Variants in GLI3 observed in about 807,000 individuals in gnomAD.
GLI3 encodes the protein GLI family zinc finger 3, also known as transcription activator GLI3.
GLI3 carries 20 observed loss-of-function variants against 100.8 expected under a neutral mutation model. The ratio of observed to expected loss-of-function variants is 0.20; its 90% CI spans 0.14 to 0.29. The LOEUF is 0.29. Ranked by LOEUF, GLI3 falls within the 10% of genes least tolerant of loss-of-function variation. The pLI is 1.00. For synonymous variants in GLI3, 938 were observed against 860.5 expected, an observed-to-expected ratio of 1.09 and a Z score of -1.58; for missense variants, 2,040 against 2,128.5, an observed-to-expected ratio of 0.96 and a Z score of 0.82.
At chr7:42,072,864 T>G (rs1784810546) in intron 4 of GLI3, among the ~76,000 whole-genome samples, 1 of 152,326 alleles carries the variant, frequency 6.6e-6, no homozygotes, top group Admixed American at 6.5e-5. Flanking sequence ...TAAAACATTA[T>G]ACTTCTTGCA....
chr7:42,236,731 C>T (rs1055875285), intron 1 of GLI3, among the ~76,000 whole-genome samples: 30 of 152,354 alleles, frequency 2.0e-4, no homozygotes, highest in Middle Eastern at 6.8e-3. Flanking sequence ...ATTCTCCAAT[C>T]CGTCTCCGGC....
At chr7:42,069,604 G>A (rs1229690703) in intron 4 of GLI3, among the ~76,000 whole-genome samples, 1 of 152,158 alleles carries the variant, frequency 6.6e-6, no homozygotes, top group Admixed American at 6.5e-5. Context: ...CATAAAAGTA[G>A]AAAACATGAC....
chr7:42,036,052 T>C (rs151314679), intron 7 of GLI3, among the ~76,000 whole-genome samples: 153 of 152,356 alleles, frequency 1.0e-3, no homozygotes, highest in Non-Finnish European at 1.7e-3. Context: ...TCAAGTACTG[T>C]TATAATATGT....
At chr7:42,202,848 G>T (rs550240208) in intron 2 of GLI3, among the ~76,000 whole-genome samples, 1 of 152,202 alleles carries the variant, frequency 6.6e-6, no homozygotes, top group Non-Finnish European at 1.5e-5. Flanking sequence ...CCCCCAACAT[G>T]ACTGTAAGTC....
intron 4 of GLI3, among the ~76,000 whole-genome samples, chr7:42,069,044 C>A (rs1784733062): frequency 6.6e-6 from 1 of 152,208 alleles, no homozygotes; most frequent in Non-Finnish European, 1.5e-5. Context: ...CAGGCCCCCG[C>A]AACAGGTTTG....
rs1190912354 is a variant in GLI3 at position 41,961,661 on chromosome 7, T to C, written c.*2669A>G. On this transcript the variant is annotated 3_prime_UTR_variant, in exon 15 of 15. Transcript: ENST00000395925. ...TGGTGACACTAGTGAGGCGGTCCTC[T>C]CGCTCTAAAATGCATAGGTTAGAGA... is the stretch of plus-strand genomic sequence containing the variant. 1 of 152,122 alleles carries C rather than the reference T, an allele frequency of 6.6e-6. No homozygotes were observed. The highest frequency in any genetic ancestry group is 1.9e-4 in the East Asian group (1 of 5,202). 9.4% of individuals were successfully genotyped at this position (152,122 alleles called of 1,614,324 possible).
At chr7:42,109,186 T>G (rs1785645156) in intron 3 of GLI3, among the ~76,000 whole-genome samples, 1 of 152,206 alleles carries the variant, frequency 6.6e-6, no homozygotes, top group African/African-American at 2.4e-5. Context: ...TTTTCCCAGC[T>G]AAATAAAGGC....
chr7:42,122,325 T>C (rs1245527282), intron 3 of GLI3, among the ~76,000 whole-genome samples: 1 of 143,240 alleles, frequency 7.0e-6, no homozygotes, highest in Non-Finnish European at 1.5e-5. Flanking sequence ...TTTTTTATGA[T>C]TTTTATTAGA....
At position 41,967,742 on chromosome 7, in the gene GLI3, G is replaced by T; in HGVS notation, c.2285C>A (p.Ala762Asp). Residue 762 changes from alanine to aspartate, a missense_variant, in exon 14 of 15, where the codon GCT becomes GAT. Around this residue, in one of 5 missense-constraint regions of GLI3, gnomAD observed 327 missense variants for 338.7 expected, o/e 0.97. Transcript: ENST00000395925. ...TGCCGGGTTTCTCCTGGCTTGCAAA[G>T]CAAGGGCTGTGGTTGCAGTGGAAAT... ...STISTATTALALQARRNPAGT... is the reference protein window; with the variant it reads ...STISTATTALDLQARRNPAGT... The T allele has an allele frequency of 6.2e-7, 1 of 1,614,220 alleles. No individual in the cohort carries two copies. The highest frequency in any genetic ancestry group is 8.5e-7 in the Non-Finnish European group (1 of 1,180,046).
At chr7:42,209,972 CT>C (rs1359330052) in intron 2 of GLI3, among the ~76,000 whole-genome samples, 2 of 107,664 alleles carry the variant, frequency 1.9e-5, no homozygotes, top group African/African-American at 7.1e-5. Flanking sequence ...GGTCATACAT[CT>C]CTTTAAGAAT....
At position 42,039,951 on chromosome 7, in the gene GLI3, T is replaced by C. The variant is rs552271524; in HGVS notation, c.1028+87A>G. On this transcript the variant is annotated intron_variant, in intron 7 of 14. Transcript: ENST00000395925. ...CACTTTTATTCTTCCTCATAGGCAG[T>C]TGGTACTGAAAATGCATCACTACAG... 2.3e-4 allele frequency: 224 copies of C among 966,616 alleles called. 1 individual carries two copies. The highest frequency in any genetic ancestry group is 2.8e-4 in the Non-Finnish European group (168 of 591,502). The allele number at this position is 966,616 out of a possible 1,614,324, so 59.9% of individuals were successfully genotyped here.
At chr7:42,257,638 A>T (rs543715086) in intron 1 of GLI3, among the ~76,000 whole-genome samples, 1 of 152,124 alleles carries the variant, frequency 6.6e-6, no homozygotes, top group South Asian at 2.1e-4. Flanking sequence ...GCCACCGTGC[A>T]CGTCCCATTC....
rs56200386 is a variant in GLI3, at chr7:42,115,133, C to CTTTT, written c.367+33089_367+33092dup. Reference sequence around the variant, plus strand: ...GTGTTGGCCCCAAATAATTTTCCTACTTTTTTTTTTTTTTTTTTTTTTTGA... The same window carrying CTTTT: ...GTGTTGGCCCCAAATAATTTTCCTACTTTTTTTTTTTTTTTTTTTTTTTTTTTGA... On this transcript the variant is annotated intron_variant, in intron 3 of 14. Transcript: ENST00000395925. Among the ~76,000 whole-genome samples the CTTTT allele has an allele frequency of 2.1e-3, 209 of 99,636 alleles. 5 individuals are homozygous for CTTTT. The highest frequency in any genetic ancestry group is 2.5e-3 in the Non-Finnish European group (128 of 51,230). 65.4% of individuals were successfully genotyped at this position (99,636 alleles called of 152,430 possible). A position where few individuals can be genotyped will look rare whatever the true frequency, so the allele number is the denominator to read the frequency against.
chr7:42,236,337 G>A (rs1393109801), intron 1 of GLI3, among the ~76,000 whole-genome samples: 3 of 152,130 alleles, frequency 2.0e-5, no homozygotes, highest in Non-Finnish European at 4.4e-5. Context: ...GCTGCCCCTG[G>A]AAAGGAAAAG....
At chr7:42,257,088 G>A (rs939746576) in intron 1 of GLI3, among the ~76,000 whole-genome samples, 1 of 151,986 alleles carries the variant, frequency 6.6e-6, no homozygotes, top group African/African-American at 2.4e-5. Context: ...TTGCTAGTAA[G>A]TAGAAATACC....
chr7:42,004,598 GA>G (rs1259067369), intron 10 of GLI3, among the ~76,000 whole-genome samples: 1 of 151,886 alleles, frequency 6.6e-6, no homozygotes, highest in South Asian at 2.1e-4. Flanking sequence ...CTCAGAAAAT[GA>G]AAAAAATATA....
intron 6 of GLI3, 77 bp from the exon 7 acceptor site, chr7:42,040,316 T>C: frequency 9.2e-7 from 1 of 1,085,656 alleles, no homozygotes; most frequent in Non-Finnish European, 1.4e-6. Flanking sequence ...CTTGCCTACG[T>C]GGAAGAAGTG....
intron 10 of GLI3, among the ~76,000 whole-genome samples, chr7:41,985,284 G>A (rs1300269189): frequency 6.6e-6 from 1 of 152,204 alleles, no homozygotes; most frequent in African/African-American, 2.4e-5. Flanking sequence ...ATCTTTTTAT[G>A]TTAGTCTACC....
At chr7:42,089,685 A>G (rs953601049) in intron 3 of GLI3, among the ~76,000 whole-genome samples, 13 of 152,184 alleles carry the variant, frequency 8.5e-5, no homozygotes, top group Admixed American at 5.9e-4. Flanking sequence ...CCATTTAAAG[A>G]CGTATTTTCT....
Sources: gnomAD v4.1 joint callset for allele counts (sites outside exome capture counted in the v4.1 genomes callset) on GRCh38, gnomAD v4.1.1 for gene constraint, gnomAD v4.1.1 regional missense constraint, MANE v1.5 for transcripts, NCBI Gene and HGNC (gene_info 2026-07-23, HGNC 2026-07-21) for gene names.